CADM2: variants seen among roughly 807,000 people sequenced by gnomAD.
The protein encoded by CADM2 is immunoglobulin superfamily member 4D.
A neutral mutation model predicts 49.8 loss-of-function variants in CADM2; 12 were observed. The observed-to-expected ratio is 0.24, with a 90% confidence interval of 0.15 to 0.39. The LOEUF (loss-of-function observed/expected upper bound fraction) is 0.39, where lower values mean the gene tolerates loss of function less well. CADM2 is among the 10% of genes least tolerant of loss of function. CADM2 has a pLI of 1.00. For synonymous variants in CADM2, 214 were observed against 175.4 expected, an observed-to-expected ratio of 1.22 and a Z score of -1.74; for missense variants, 378 against 492.3, an observed-to-expected ratio of 0.77 and a Z score of 2.20.
intron 5 of CADM2, among the ~76,000 whole-genome samples, chr3:85,907,808 G>A (rs2108467371): frequency 6.6e-6 from 1 of 152,066 alleles, no homozygotes; most frequent in Non-Finnish European, 1.5e-5. Flanking sequence ...CTACTCAGGA[G>A]GCTGAGGCAG....
At chr3:86,030,157 T>C (rs931058010) in intron 8 of CADM2, among the ~76,000 whole-genome samples, 6 of 151,986 alleles carry the variant, frequency 3.9e-5, no homozygotes, top group Non-Finnish European at 8.8e-5. Context: ...AATGTTTTTA[T>C]TATACTAATG....
chr3:85,222,013 T>G (rs2042055151), intron 1 of CADM2, among the ~76,000 whole-genome samples: 1 of 152,086 alleles, frequency 6.6e-6, no homozygotes, highest in African/African-American at 2.4e-5. Context: ...GGAGAAAAAA[T>G]ATTTAGAAGA....
At chr3:85,907,195 CA>C (rs1716917111) in intron 5 of CADM2, among the ~76,000 whole-genome samples, 1 of 152,124 alleles carries the variant, frequency 6.6e-6, no homozygotes, top group South Asian at 2.1e-4. Context: ...GGTTATGGCA[CA>C]AAATCATTAA....
At chr3:86,005,266 T>C (rs983813941) in intron 8 of CADM2, among the ~76,000 whole-genome samples, 2 of 152,180 alleles carry the variant, frequency 1.3e-5, no homozygotes, top group Non-Finnish European at 2.9e-5. Context: ...TTAAATAATT[T>C]TGTGGCCGGG....
intron 8 of CADM2, among the ~76,000 whole-genome samples, chr3:85,975,499 G>A (rs1726663282): frequency 6.6e-6 from 1 of 151,094 alleles, no homozygotes; most frequent in African/African-American, 2.4e-5. Flanking sequence ...TAATTTCTCC[G>A]ATCAGCTCTA....
chr3:85,598,400 G>A (rs2063303650), intron 1 of CADM2, among the ~76,000 whole-genome samples: 1 of 151,720 alleles, frequency 6.6e-6, no homozygotes, highest in Non-Finnish European at 1.5e-5. Flanking sequence ...GGAATTTCTA[G>A]GATTAATAAT....
chr3:85,964,469 T>C (rs1325229471), intron 8 of CADM2, among the ~76,000 whole-genome samples: 1 of 151,792 alleles, frequency 6.6e-6, no homozygotes, highest in Non-Finnish European at 1.5e-5. Context: ...CAGTGCATTA[T>C]TTAAGTGCAC....
At position 84,959,015 on chromosome 3, in the gene CADM2, G is replaced by A. The variant is rs1472046631; in HGVS notation, c.-593G>A. Reference sequence around the variant, plus strand: ...TAGAGCTGCCGCCGTCGCCGCTGCCGCTGCCGCCACAGCCGCCGCTGCAGC... The same window carrying A: ...TAGAGCTGCCGCCGTCGCCGCTGCCACTGCCGCCACAGCCGCCGCTGCAGC... On this transcript the variant is annotated 5_prime_UTR_variant, in exon 1 of 10. Transcript: ENST00000383699. 4 of 200,178 alleles carry A rather than the reference G, an allele frequency of 2.0e-5. No homozygotes were observed. The highest frequency in any genetic ancestry group is 6.9e-5 in the South Asian group (1 of 14,432). The allele number at this position is 200,178 out of a possible 1,614,324, so 12.4% of individuals were successfully genotyped here.
intron 1 of CADM2, among the ~76,000 whole-genome samples, chr3:85,581,668 A>T (rs9309984): frequency 1.1e-3 from 174 of 152,206 alleles, no homozygotes; most frequent in African/African-American, 4.0e-3. Context: ...TAATCCCTGA[A>T]GCTGAATAAA....
intron 1 of CADM2, among the ~76,000 whole-genome samples, chr3:85,204,490 CA>C (rs1259376942): frequency 5.3e-5 from 8 of 152,234 alleles, no homozygotes; most frequent in African/African-American, 1.9e-4. Context: ...ATCACTCTTA[CA>C]AACACAGAGA....
intron 8 of CADM2, chr3:86,014,642 T>A (rs1307324219): frequency 1.3e-6 from 2 of 1,579,928 alleles, no homozygotes; most frequent in Non-Finnish European, 1.7e-6. Context: ...TCAAAGCTCT[T>A]AAATGCTTAT....
chr3:85,420,547 A>G lies in CADM2; in HGVS notation c.62-305975A>G, dbSNP rs563719966. On this transcript the variant is annotated intron_variant, in intron 1 of 9. Transcript: ENST00000383699. ...CTACTCCTCTGGAGCAAAACACATA[A>G]TATGCTCCATGGCAAAATCAGGGCA... Among the ~76,000 whole-genome samples the G allele has an allele frequency of 2.0e-5, 3 of 152,286 alleles. No individual in the cohort carries two copies. In the East Asian group the frequency reaches 5.8e-4, roughly 29 times the overall value.
intron 2 of CADM2, among the ~76,000 whole-genome samples, chr3:85,801,373 C>A (rs951641965): frequency 6.6e-6 from 1 of 151,904 alleles, no homozygotes; most frequent in Non-Finnish European, 1.5e-5. Context: ...TGGAGAAAAT[C>A]GAGAAACTAC....
chr3:85,536,933 C>G, intron 1 of CADM2, among the ~76,000 whole-genome samples: 1 of 151,938 alleles, frequency 6.6e-6, no homozygotes, highest in East Asian at 1.9e-4. Flanking sequence ...TAAAAGCCAG[C>G]AGTCTTTTCA....
At chr3:85,420,721 C>T (rs2036132079) in intron 1 of CADM2, among the ~76,000 whole-genome samples, 1 of 152,106 alleles carries the variant, frequency 6.6e-6, no homozygotes, top group African/African-American at 2.4e-5. Context: ...TGAGTGCTTA[C>T]TTTAAACAAA....
intron 1 of CADM2, among the ~76,000 whole-genome samples, chr3:85,684,381 C>A (rs1182635414): frequency 1.3e-5 from 2 of 152,020 alleles, no homozygotes; most frequent in Non-Finnish European, 2.9e-5. Context: ...CCCACTGCAG[C>A]TATACTCCTA....
chr3:85,618,837 T>A (rs943489990), intron 1 of CADM2, among the ~76,000 whole-genome samples: 2 of 152,136 alleles, frequency 1.3e-5, no homozygotes, highest in Non-Finnish European at 2.9e-5. Context: ...TGGTGCTTAC[T>A]TATTGCCAAT....
chr3:85,600,781 T>G (rs1325528185), intron 1 of CADM2, among the ~76,000 whole-genome samples: 1 of 151,660 alleles, frequency 6.6e-6, no homozygotes, highest in Non-Finnish European at 1.5e-5. Flanking sequence ...ATGATATACT[T>G]ACTCTATTAA....
At chr3:85,002,674 A>G (rs949717468) in intron 1 of CADM2, among the ~76,000 whole-genome samples, 1 of 152,172 alleles carries the variant, frequency 6.6e-6, no homozygotes, top group African/African-American at 2.4e-5. Context: ...TGTCATTATC[A>G]TTTGTTAATC....
Sources: gnomAD v4.1 joint callset for allele counts (sites outside exome capture counted in the v4.1 genomes callset) on GRCh38, gnomAD v4.1.1 for gene constraint, MANE v1.5 for transcripts, NCBI Gene and HGNC (gene_info 2026-07-23, HGNC 2026-07-21) for gene names.